Variants in CUL1 observed in about 807,000 individuals in gnomAD.
The protein encoded by CUL1 is cullin 1, also known as cullin-1.
CUL1 carries 24 observed loss-of-function variants against 118.0 expected under a neutral mutation model. The ratio of observed to expected loss-of-function variants is 0.20; its 90% CI spans 0.15 to 0.29. The LOEUF (loss-of-function observed/expected upper bound fraction) is 0.29, where lower values mean the gene tolerates loss of function less well. Among genes scored for constraint, CUL1 ranks in the 10% least tolerant of loss-of-function variants. The pLI, the probability that CUL1 is intolerant of heterozygous loss-of-function variation, is 1.00. For synonymous variants in CUL1, 332 were observed against 340.4 expected (o/e 0.98, Z 0.27); for missense variants, 361 against 933.8 (o/e 0.39, Z 7.99).
At chr7:148,717,092 C>T (rs1798238228) in intron 1 of CUL1, among the ~76,000 whole-genome samples, 1 of 145,118 alleles carries the variant, frequency 6.9e-6, no homozygotes, top group Admixed American at 6.9e-5. Flanking sequence ...TGGAATCTCG[C>T]TCTGTCACCC....
At chr7:148,753,835 G>A in intron 2 of CUL1, 141 bp from the exon 3 acceptor site, 1 of 622,890 alleles carries the variant, frequency 1.6e-6, no homozygotes, top group East Asian at 3.0e-5. Flanking sequence ...GTGTGAATGG[G>A]ATCTTTGTTC....
chr7:148,725,657 C>T (rs948854356), intron 1 of CUL1, among the ~76,000 whole-genome samples: 1 of 152,228 alleles, frequency 6.6e-6, no homozygotes, highest in Non-Finnish European at 1.5e-5. Context: ...CCTGGGACCT[C>T]CTCACAGGTC....
Position 148,766,735 on chromosome 7 carries a change from G to C in CUL1, c.952+12G>C. Reference sequence around the variant, plus strand: ...TGACAAAAATGAAGGTGAGCCACAAGACTCATAAAATGTAGGTATTTATAA... The same window carrying C: ...TGACAAAAATGAAGGTGAGCCACAACACTCATAAAATGTAGGTATTTATAA... On this transcript the variant is annotated intron_variant, in intron 8 of 21. Transcript: ENST00000325222. 1.2e-6 allele frequency: 2 copies of C among 1,605,296 alleles called. No homozygotes were observed. Among genetic ancestry groups the C allele is most frequent in the Non-Finnish European group, 1.7e-6 (2 of 1,176,174 alleles).
intron 1 of CUL1, among the ~76,000 whole-genome samples, chr7:148,709,786 C>CTT (rs1278697433): frequency 1.3e-5 from 2 of 152,176 alleles, no homozygotes; most frequent in African/African-American, 2.4e-5. Flanking sequence ...TTTATGCCTG[C>CTT]TTAAGGTATG....
chr7:148,734,586 C>T (rs1373372111), intron 2 of CUL1, among the ~76,000 whole-genome samples: 1 of 152,184 alleles, frequency 6.6e-6, no homozygotes, highest in African/African-American at 2.4e-5. Context: ...AAATTCTATG[C>T]AGGTGGGTAA....
chr7:148,754,206 A>C (rs1799586018), intron 3 of CUL1, 56 bp downstream of exon 3: 2 of 1,155,602 alleles, frequency 1.7e-6, no homozygotes, highest in African/African-American at 3.2e-5. Context: ...AAAAAGTGAA[A>C]TAATGGTTCT....
chr7:148,743,673 G>A (rs1016934832), intron 2 of CUL1, among the ~76,000 whole-genome samples: 1 of 148,746 alleles, frequency 6.7e-6, no homozygotes, highest in Non-Finnish European at 1.5e-5. Context: ...GGAGGCCAAG[G>A]CGGGCAGATC....
At chr7:148,725,287 C>T (rs984550814) in intron 1 of CUL1, among the ~76,000 whole-genome samples, 2 of 151,818 alleles carry the variant, frequency 1.3e-5, no homozygotes, top group Non-Finnish European at 2.9e-5. Context: ...TTGCCTGAGC[C>T]TCTTGTATCC....
intron 1 of CUL1, among the ~76,000 whole-genome samples, chr7:148,717,253 C>G (rs1182138934): frequency 6.6e-6 from 1 of 152,068 alleles, no homozygotes; most frequent in East Asian, 1.9e-4. Context: ...GATGGGGTTT[C>G]ACCATGTTGG....
At chr7:148,728,227 C>T (rs1178029972) in intron 1 of CUL1, among the ~76,000 whole-genome samples, 1 of 151,794 alleles carries the variant, frequency 6.6e-6, no homozygotes, top group East Asian at 1.9e-4. Context: ...ACACGGACAA[C>T]ACTGATGGAG....
intron 1 of CUL1, among the ~76,000 whole-genome samples, 178 bp downstream of exon 1, chr7:148,699,207 G>A (rs865824014): frequency 6.6e-6 from 1 of 151,998 alleles, no homozygotes; most frequent in Non-Finnish European, 1.5e-5. Context: ...CGGGGGACTC[G>A]TGGGCGGAGG....
intron 9 of CUL1, among the ~76,000 whole-genome samples, chr7:148,770,603 A>G (rs1401058275): frequency 6.6e-6 from 1 of 152,166 alleles, no homozygotes; most frequent in East Asian, 1.9e-4. Flanking sequence ...TTCTGTTGGA[A>G]TGCTGTCTGT....
chr7:148,732,261 G>T (rs73467432), intron 2 of CUL1, among the ~76,000 whole-genome samples: 1 of 152,082 alleles, frequency 6.6e-6, no homozygotes, highest in Non-Finnish European at 1.5e-5. Flanking sequence ...GCTCAAGGAG[G>T]TGTCATTGTT....
intron 2 of CUL1, among the ~76,000 whole-genome samples, chr7:148,732,939 T>A (rs923961464): frequency 6.6e-6 from 1 of 152,206 alleles, no homozygotes; most frequent in Non-Finnish European, 1.5e-5. Context: ...TCTTTAATTC[T>A]TTAGACATTA....
chr7:148,727,351 G>C (rs1798619697), intron 1 of CUL1, among the ~76,000 whole-genome samples: 1 of 152,216 alleles, frequency 6.6e-6, no homozygotes, highest in Non-Finnish European at 1.5e-5. Flanking sequence ...ATTCTAAAGA[G>C]GGATTTTGAG....
At chr7:148,767,852 T>A in intron 9 of CUL1, 103 bp downstream of exon 9, 2 of 1,172,644 alleles carry the variant, frequency 1.7e-6, no homozygotes. Context: ...TGGTACCATT[T>A]TCATTAGAAC....
At chr7:148,726,554 G>A (rs1311795494) in intron 1 of CUL1, among the ~76,000 whole-genome samples, 1 of 152,098 alleles carries the variant, frequency 6.6e-6, no homozygotes, top group Non-Finnish European at 1.5e-5. Flanking sequence ...TTTTTCCTAT[G>A]ACTTACAGTG....
At position 148,763,850 on chromosome 7, in the gene CUL1, A is replaced by G. The variant is rs1413888939; in HGVS notation, c.790-2711A>G. On this transcript the variant is annotated intron_variant, in intron 7 of 21. Coordinates refer to ENST00000325222, the MANE Select transcript of CUL1 (RefSeq NM_003592.3). ...TAGAACAACTATGAGATAAAACATG[A>G]CCCTTCAAGAAATACTCTGCAAATT... Among the ~76,000 whole-genome samples the G allele has an allele frequency of 2.6e-5, 4 of 152,204 alleles. No homozygotes were observed. The East Asian group carries it at 7.7e-4, about 29-fold the overall frequency.
intron 1 of CUL1, among the ~76,000 whole-genome samples, chr7:148,708,908 T>C (rs1797967516): frequency 1.3e-5 from 2 of 152,258 alleles, no homozygotes; most frequent in African/African-American, 4.8e-5. Flanking sequence ...GGAATTTTTC[T>C]ATTGATAAGG....
Sources: gnomAD v4.1 joint callset for allele counts (sites outside exome capture counted in the v4.1 genomes callset) on GRCh38, gnomAD v4.1.1 for gene constraint, MANE v1.5 for transcripts, NCBI Gene and HGNC (gene_info 2026-07-23, HGNC 2026-07-21) for gene names.